The following NR1I2 variants were observed in gnomAD, a reference collection of about 807,000 sequenced individuals.
NR1I2 encodes the protein nuclear receptor subfamily 1 group I member 2.
A neutral mutation model predicts 43.3 loss-of-function variants in NR1I2; 42 were observed. The ratio of observed to expected loss-of-function variants is 0.97; its 90% confidence interval spans 0.76 to 1.26. The LOEUF is 1.26. NR1I2 is among the 50% of genes most tolerant of loss of function. The pLI is 0.00. For missense variants in NR1I2, 559 were observed against 566.7 expected (o/e 0.99, Z 0.14); for synonymous variants, 229 against 215.0 (o/e 1.06, Z -0.57).
At position 119,810,550 on chromosome 3, in the gene NR1I2, G is replaced by A. The variant is rs545569829; in HGVS notation, c.331+356G>A. 4.4e-5 allele frequency: 13 copies of A among 294,090 alleles called. No homozygotes were observed. The East Asian group carries it at 7.7e-4, about 17-fold the overall frequency. 18.2% of individuals were successfully genotyped at this position (294,090 alleles called of 1,614,324 possible). A position where few individuals can be genotyped will look rare whatever the true frequency, so the allele number is the denominator to read the frequency against. On this transcript the variant is annotated intron_variant, in intron 3 of 8. Coordinates refer to ENST00000393716, the MANE Select transcript of NR1I2 (RefSeq NM_003889.4). ...TTGCGGGTAGGAGTGTGAATCTGGG[G>A]GAGGGAAGCAGGAGCCACATGGGTG...
At chr3:119,786,369 G>T (rs2054842999) in intron 1 of NR1I2, among the ~76,000 whole-genome samples, 1 of 152,034 alleles carries the variant, frequency 6.6e-6, no homozygotes, top group East Asian at 1.9e-4. Flanking sequence ...GAAGGGGGCT[G>T]GGAAAAGTTC....
intron 1 of NR1I2, chr3:119,782,761 A>G: frequency 6.2e-7 from 1 of 1,613,460 alleles, no homozygotes; most frequent in South Asian, 1.1e-5. Flanking sequence ...CAGCAGCATG[A>G]CAGTCACCAG....
intron 1 of NR1I2, among the ~76,000 whole-genome samples, chr3:119,786,225 G>A (rs377104768): frequency 4.6e-5 from 7 of 152,168 alleles, no homozygotes; most frequent in Admixed American, 1.3e-4. Context: ...TGGTTGCCAC[G>A]TTCTGTTTGT....
At chr3:119,808,863 T>C (rs1236301423) in intron 2 of NR1I2, among the ~76,000 whole-genome samples, 1 of 152,158 alleles carries the variant, frequency 6.6e-6, no homozygotes, top group Non-Finnish European at 1.5e-5. Flanking sequence ...TAGCATACCT[T>C]TAAATAATGT....
At chr3:119,800,575 G>A (rs547478512) in intron 1 of NR1I2, among the ~76,000 whole-genome samples, 1 of 152,118 alleles carries the variant, frequency 6.6e-6, no homozygotes, top group South Asian at 2.1e-4. Flanking sequence ...TTAATCATAG[G>A]GTGTTTTTTG....
intron 2 of NR1I2, among the ~76,000 whole-genome samples, chr3:119,807,831 C>T (rs754695289): frequency 3.3e-5 from 5 of 151,874 alleles, no homozygotes; most frequent in East Asian, 1.9e-4. Flanking sequence ...AGAAACAGAC[C>T]GAAGGGAGGG....
At position 119,810,214 on chromosome 3, in the gene NR1I2, G is replaced by T; in HGVS notation, c.331+20G>T. 29 of 1,577,680 alleles carry T rather than the reference G, an allele frequency of 1.8e-5. No homozygotes were observed. The highest frequency in any genetic ancestry group is 1.7e-4 in the Middle Eastern group (1 of 6,014). Reference sequence around the variant, plus strand: ...AGGAGAGTGAGCAGTGGGCGCGCGGGCGGGCCGGCGCCGGGGTGCACGGCT... The same window carrying T: ...AGGAGAGTGAGCAGTGGGCGCGCGGTCGGGCCGGCGCCGGGGTGCACGGCT... On this transcript the variant is annotated intron_variant, in intron 3 of 8. Transcript: ENST00000393716.
intron 1 of NR1I2, among the ~76,000 whole-genome samples, chr3:119,806,379 GGCTCAAGAGATCCTCCCC>G (rs948198392): frequency 4.6e-5 from 7 of 152,164 alleles, no homozygotes; most frequent in African/African-American, 1.7e-4. Flanking sequence ...CAAACCCTCA[GGCTCAAGAGATCCTCCCC>G]GCTCAGCTTC....
intron 2 of NR1I2, among the ~76,000 whole-genome samples, chr3:119,809,341 CAG>C (rs1396665090): frequency 2.6e-5 from 4 of 152,054 alleles, no homozygotes; most frequent in Non-Finnish European, 5.9e-5. Context: ...CTGCGCACCG[CAG>C]AGAGGGGTGT....
At chr3:119,800,656 G>A (rs934621649) in intron 1 of NR1I2, among the ~76,000 whole-genome samples, 1 of 152,150 alleles carries the variant, frequency 6.6e-6, no homozygotes, top group African/African-American at 2.4e-5. Context: ...GAACTCCTGG[G>A]CTCAAGCCCT....
At chr3:119,798,881 G>T (rs1577275725) in intron 1 of NR1I2, among the ~76,000 whole-genome samples, 1 of 152,080 alleles carries the variant, frequency 6.6e-6, no homozygotes, top group Admixed American at 6.5e-5. Flanking sequence ...CTTTTAAACC[G>T]CTGAATAGAA....
At chr3:119,782,991 G>A (rs2054797512) in intron 1 of NR1I2, 10 of 732,550 alleles carry the variant, frequency 1.4e-5, no homozygotes. Context: ...CAGAGGCACT[G>A]CTTTAAGGCC....
intron 1 of NR1I2, chr3:119,792,024 C>T: frequency 1.4e-6 from 1 of 714,896 alleles, no homozygotes; most frequent in East Asian, 2.6e-5. Context: ...TATCTTTGAC[C>T]ACCGTTCTCA....
rs949600566 is a variant in NR1I2, at chr3:119,815,761, C to A, written c.1090C>A (p.Gln364Lys). The A allele has an allele frequency of 5.0e-5, 81 of 1,613,684 alleles. No homozygotes were observed. The highest frequency in any genetic ancestry group is 6.8e-5 in the Non-Finnish European group (80 of 1,179,882). ...TGTGCTGCAGCACCGCGTGGTGGAC[C>A]AGCTGCAGGAGCAATTCGCCATTAC... The change falls in exon 8 of 9, where the codon CAG (glutamine) becomes AAG (lysine). Residue 364 changes from glutamine (Q) to lysine (K), a missense_variant. Transcript: ENST00000393716.
intron 1 of NR1I2, chr3:119,792,268 T>G (rs1577270884): frequency 6.5e-7 from 1 of 1,541,254 alleles, no homozygotes; most frequent in Non-Finnish European, 8.9e-7. Context: ...TCCAGGCAGG[T>G]GAGCGACGAC....
chr3:119,799,475 G>T (rs2107960078), intron 1 of NR1I2, among the ~76,000 whole-genome samples: 1 of 152,078 alleles, frequency 6.6e-6, no homozygotes, highest in African/African-American at 2.4e-5. Context: ...TTCTGTCTGT[G>T]TCTTATCTTT....
chr3:119,807,557 C>A, intron 2 of NR1I2, 110 bp downstream of exon 2: 1 of 882,928 alleles, frequency 1.1e-6, no homozygotes, highest in Non-Finnish European at 1.8e-6. Context: ...GCTGGTGGCC[C>A]ACCCAAAGGC....
At chr3:119,810,639 G>A (rs1010358202) in intron 3 of NR1I2, 4 of 184,400 alleles carry the variant, frequency 2.2e-5, no homozygotes, top group Non-Finnish European at 4.5e-5. Context: ...TCTTTATAGG[G>A]GAACTGTTTG....
intron 1 of NR1I2, among the ~76,000 whole-genome samples, chr3:119,804,483 C>T (rs1445693234): frequency 4.1e-5 from 5 of 121,306 alleles, no homozygotes; most frequent in East Asian, 4.9e-4. Context: ...TTGTTCTTAT[C>T]GTCCAGGCTG....
Sources: gnomAD v4.1 joint callset for allele counts (sites outside exome capture counted in the v4.1 genomes callset) on GRCh38, gnomAD v4.1.1 for gene constraint, MANE v1.5 for transcripts, NCBI Gene and HGNC (gene_info 2026-07-23, HGNC 2026-07-21) for gene names.